The following SCHIP1 variants were observed in gnomAD, a reference collection of about 807,000 sequenced individuals.
The protein encoded by SCHIP1 is schwannomin interacting protein 1, also known as schwannomin-interacting protein 1.
SCHIP1 carries 8 observed loss-of-function variants against 29.7 expected under a neutral mutation model. The observed-to-expected ratio is 0.27, with a 90% confidence interval of 0.16 to 0.49. The LOEUF is 0.49. SCHIP1 is among the 20% of genes least tolerant of loss of function. SCHIP1 has a pLI of 0.99. For synonymous variants in SCHIP1, 76 were observed against 94.9 expected (o/e 0.80, Z 1.16); for missense variants, 193 against 294.6 (o/e 0.66, Z 2.52).
the SCHIP1 span, among the ~76,000 whole-genome samples, chr3:159,787,879 T>A: frequency 6.6e-6 from 1 of 152,216 alleles, no homozygotes; most frequent in African/African-American, 2.4e-5. Flanking sequence ...TTCCCTCATC[T>A]GAGCCTGAAT....
At chr3:159,449,451 G>C in the SCHIP1 span, among the ~76,000 whole-genome samples, 2 of 152,042 alleles carry the variant, frequency 1.3e-5, no homozygotes, top group Non-Finnish European at 2.9e-5. Context: ...TTGCAAGTGA[G>C]GCTCAGGATT....
the SCHIP1 span, among the ~76,000 whole-genome samples, chr3:159,586,178 A>C: frequency 9.2e-5 from 14 of 152,286 alleles, no homozygotes; most frequent in African/African-American, 3.1e-4. Context: ...CTGAATGATA[A>C]GGACATTCGT....
chr3:159,652,924 A>G, the SCHIP1 span, among the ~76,000 whole-genome samples: 1 of 152,190 alleles, frequency 6.6e-6, no homozygotes, highest in Non-Finnish European at 1.5e-5. Context: ...AAAGACAAAA[A>G]TTGTGTGTTC....
At chr3:159,655,307 G>A in the SCHIP1 span, among the ~76,000 whole-genome samples, 1 of 152,196 alleles carries the variant, frequency 6.6e-6, no homozygotes, top group Non-Finnish European at 1.5e-5. Flanking sequence ...ATTTTCAGAT[G>A]TCAACAAGTA....
At chr3:159,292,473 G>A in the SCHIP1 span, among the ~76,000 whole-genome samples, 1 of 152,112 alleles carries the variant, frequency 6.6e-6, no homozygotes, top group Non-Finnish European at 1.5e-5. Flanking sequence ...GTATTTGCCA[G>A]TTATTTAATA....
the SCHIP1 span, among the ~76,000 whole-genome samples, chr3:159,622,452 G>A: frequency 6.6e-6 from 1 of 152,178 alleles, no homozygotes; most frequent in Non-Finnish European, 1.5e-5. Flanking sequence ...GCTGAACATA[G>A]CTTTATTTCA....
the SCHIP1 span, among the ~76,000 whole-genome samples, chr3:159,611,770 C>A: frequency 6.6e-6 from 1 of 152,046 alleles, no homozygotes; most frequent in African/African-American, 2.4e-5. Flanking sequence ...TAAATTGACC[C>A]CAAGAGTGAA....
At chr3:159,723,043 T>C in the SCHIP1 span, among the ~76,000 whole-genome samples, 4 of 152,204 alleles carry the variant, frequency 2.6e-5, no homozygotes, top group Non-Finnish European at 5.9e-5. Flanking sequence ...TGCTCAGTGC[T>C]TCCAGGAGCT....
the SCHIP1 span, among the ~76,000 whole-genome samples, chr3:159,763,394 G>C: frequency 6.6e-6 from 1 of 152,150 alleles, no homozygotes; most frequent in Non-Finnish European, 1.5e-5. Context: ...CTTCGGCGGG[G>C]TAACGAGTCA....
chr3:159,423,253 G>A, the SCHIP1 span, among the ~76,000 whole-genome samples: 1 of 152,216 alleles, frequency 6.6e-6, no homozygotes, highest in East Asian at 1.9e-4. Context: ...GCAGGGCGAG[G>A]CATTGCCTCA....
chr3:159,840,297 C>A, intron 1 of SCHIP1: 1 of 1,242,460 alleles, frequency 8.0e-7, no homozygotes, highest in African/African-American at 1.5e-5. Context: ...TTGCCTCTTT[C>A]CGGATATTCA....
At chr3:159,279,104 C>T in the SCHIP1 span, among the ~76,000 whole-genome samples, 4 of 152,110 alleles carry the variant, frequency 2.6e-5, no homozygotes, top group Non-Finnish European at 5.9e-5. Flanking sequence ...TTGGCTGTGT[C>T]CCCACCCAAA....
chr3:159,671,124 C>T, the SCHIP1 span, among the ~76,000 whole-genome samples: 3 of 152,202 alleles, frequency 2.0e-5, no homozygotes, highest in African/African-American at 7.2e-5. Flanking sequence ...AAATGCCACA[C>T]AAGTCCTCAT....
At chr3:159,574,512 G>A in the SCHIP1 span, among the ~76,000 whole-genome samples, 15 of 152,284 alleles carry the variant, frequency 9.9e-5, no homozygotes, top group Non-Finnish European at 1.8e-4. Flanking sequence ...CTGCCTATAT[G>A]AGTTGTCTGT....
the SCHIP1 span, among the ~76,000 whole-genome samples, chr3:159,691,865 G>A: frequency 3.3e-5 from 5 of 152,108 alleles, no homozygotes; most frequent in Non-Finnish European, 5.9e-5. Flanking sequence ...ACGAAGCTTA[G>A]TTTAGCAGGA....
chr3:159,329,972 C>T, the SCHIP1 span, among the ~76,000 whole-genome samples: 1 of 152,100 alleles, frequency 6.6e-6, no homozygotes, highest in Non-Finnish European at 1.5e-5. Context: ...CATTTATCTC[C>T]TGTTAATAAA....
At chr3:159,615,539 C>A in the SCHIP1 span, among the ~76,000 whole-genome samples, 5 of 152,304 alleles carry the variant, frequency 3.3e-5, no homozygotes, top group East Asian at 9.7e-4. Flanking sequence ...GAAAAAGGCA[C>A]CTCCCTCCTC....
At chr3:159,328,338 T>A in the SCHIP1 span, among the ~76,000 whole-genome samples, 1 of 152,122 alleles carries the variant, frequency 6.6e-6, no homozygotes, top group African/African-American at 2.4e-5. Context: ...TTTATGGTCT[T>A]AGAAGGCAGA....
At chr3:159,805,711 C>T in the SCHIP1 span, among the ~76,000 whole-genome samples, 4 of 152,068 alleles carry the variant, frequency 2.6e-5, no homozygotes, top group Non-Finnish European at 4.4e-5. Context: ...TATGAGTAAA[C>T]GAAAGACCCA....
Sources: gnomAD v4.1 joint callset for allele counts (sites outside exome capture counted in the v4.1 genomes callset) on GRCh38, gnomAD v4.1.1 for gene constraint, MANE v1.5 for transcripts, NCBI Gene and HGNC (gene_info 2026-07-23, HGNC 2026-07-21) for gene names.